Variants in AMMECR1L observed in about 807,000 individuals in gnomAD.
The protein encoded by AMMECR1L is AMMECR1-like protein.
Under a neutral mutation model 36.8 loss-of-function variants are expected in AMMECR1L, and 4 were observed. That is an observed-to-expected ratio of 0.11 (90% CI 0.05 to 0.25). The LOEUF is 0.25. Ranked by LOEUF, AMMECR1L falls within the 10% of genes least tolerant of loss-of-function variation. The probability of loss-of-function intolerance (pLI) is 1.00; values close to 1 mark genes in which losing one functional copy is unlikely to be tolerated. For missense variants in AMMECR1L, 232 were observed against 392.1 expected, an observed-to-expected ratio of 0.59 and a Z score of 3.45; for synonymous variants, 147 against 148.0, an observed-to-expected ratio of 0.99 and a Z score of 0.05.
At chr2:127,882,853 G>C (rs1691572445) in intron 2 of AMMECR1L, among the ~76,000 whole-genome samples, 1 of 151,034 alleles carries the variant, frequency 6.6e-6, no homozygotes, top group African/African-American at 2.4e-5. Flanking sequence ...CTCCTGCCTT[G>C]GCTTCCCAGT....
intron 2 of AMMECR1L, among the ~76,000 whole-genome samples, chr2:127,880,989 G>C (rs1691476246): frequency 6.6e-6 from 1 of 152,092 alleles, no homozygotes; most frequent in Non-Finnish European, 1.5e-5. Flanking sequence ...AGCCACTGTG[G>C]ATAATTCATT....
In AMMECR1L at chr2:127,873,339, G is replaced by GT; in HGVS notation, c.407+488dup. The GT allele has an allele frequency of 2.0e-6, 2 of 985,492 alleles. No homozygotes were observed. Among genetic ancestry groups the GT allele is most frequent in the Non-Finnish European group, 2.4e-6 (2 of 829,940 alleles). 61.0% of individuals were successfully genotyped at this position (985,492 alleles called of 1,614,324 possible). On this transcript the variant is annotated intron_variant, in intron 3 of 7. Coordinates refer to ENST00000272647, the MANE Select transcript of AMMECR1L (RefSeq NM_001199140.2). The surrounding 1 kb of genome is among the most constrained non-coding windows in gnomAD (Gnocchi z 5.2). Reference sequence around the variant, plus strand: ...GCAGATTCTGACTTCTTGATGGGATGTGAGTGGCCCTACAGGTTTACCAAG... The same window carrying GT: ...GCAGATTCTGACTTCTTGATGGGATGTTGAGTGGCCCTACAGGTTTACCAAG...
chr2:127,880,325 A>G (rs1283022289), intron 2 of AMMECR1L, among the ~76,000 whole-genome samples: 1 of 152,180 alleles, frequency 6.6e-6, no homozygotes, highest in Admixed American at 6.5e-5. Flanking sequence ...AGAATAAGCT[A>G]GTTAAAACTA....
intron 2 of AMMECR1L, among the ~76,000 whole-genome samples, chr2:127,876,856 A>C (rs1691264301): frequency 6.6e-6 from 1 of 151,950 alleles, no homozygotes; most frequent in Admixed American, 6.6e-5. Context: ...CATCTCTACT[A>C]AAAATACAAA....
At chr2:127,879,827 C>A (rs1413599987) in intron 2 of AMMECR1L, among the ~76,000 whole-genome samples, 1 of 152,178 alleles carries the variant, frequency 6.6e-6, no homozygotes, top group Non-Finnish European at 1.5e-5. Context: ...TAAGGTACTT[C>A]AGAATAATAG....
At chr2:127,882,889 A>T (rs1553491527) in intron 2 of AMMECR1L, among the ~76,000 whole-genome samples, 1 of 147,500 alleles carries the variant, frequency 6.8e-6, no homozygotes, top group Non-Finnish European at 1.5e-5. Flanking sequence ...GGCATGAGTG[A>T]CTGTGCCCAG....
chr2:127,871,760 C>T lies in AMMECR1L; in HGVS notation c.408-401G>A, dbSNP rs1690979519. On this transcript the variant is annotated intron_variant, in intron 3 of 7. Transcript: ENST00000272647. This position sits in a 1 kb window ranked among gnomAD's most constrained non-coding sequence, Gnocchi z 4.3. ...CCGTCTTTCATGATGACACGCCTCA[C>T]CTGCACAGCCCCGTTCATCTGCAAA... Among the ~76,000 whole-genome samples, 1 of 152,182 alleles carries T rather than the reference C, an allele frequency of 6.6e-6. No homozygotes were observed. The highest frequency in any genetic ancestry group is 6.5e-5 in the Admixed American group (1 of 15,278).
chr2:127,874,306 C>T lies in AMMECR1L; in HGVS notation c.-38-34G>A, dbSNP rs1051878102. On this transcript the variant is annotated intron_variant, in intron 2 of 7. Coordinates refer to ENST00000272647, the MANE Select transcript of AMMECR1L (RefSeq NM_001199140.2). The surrounding 1 kb of genome is among the most constrained non-coding windows in gnomAD (Gnocchi z 5.2). ...AATGAGAAGTTAAGCATTAATTTGA[C>T]TGGTTAGTTAAAAGGAGAGGAAAAA... The T allele has an allele frequency of 6.4e-7, 1 of 1,564,146 alleles. No homozygotes were observed. The highest frequency in any genetic ancestry group is 2.2e-5 in the East Asian group (1 of 44,542).
At chr2:127,875,634 T>C (rs1450783713) in intron 2 of AMMECR1L, among the ~76,000 whole-genome samples, 2 of 152,214 alleles carry the variant, frequency 1.3e-5, no homozygotes, top group African/African-American at 2.4e-5. Context: ...TTATTTATGT[T>C]CTTCATATAT....
At position 127,874,021 on chromosome 2, in the gene AMMECR1L, C is replaced by T. The variant is rs1229844378; in HGVS notation, c.214G>A (p.Gly72Arg). The change falls in exon 3 of 8, where the codon GGA becomes AGA. Residue 72 changes from glycine to arginine, a missense_variant. Around this residue, in one of 3 missense-constraint regions of AMMECR1L, gnomAD observed 109 missense variants for 128.1 expected, o/e 0.85. Transcript: ENST00000272647. The surrounding 1 kb of genome is among the most constrained non-coding windows in gnomAD (Gnocchi z 5.2). ...ENVSDLTLGP[G>R]NSPITRMNPA... ...TTCATTCGTGTGATGGGAGAGTTTC[C>T]AGGTCCCAGAGTTAAGTCTGACACA... 6 of 1,614,106 alleles carry T rather than the reference C, an allele frequency of 3.7e-6. No individual in the cohort carries two copies. Among genetic ancestry groups the T allele is most frequent in the Non-Finnish European group, 1.7e-6 (2 of 1,180,058 alleles).
intron 3 of AMMECR1L, among the ~76,000 whole-genome samples, chr2:127,872,017 C>T (rs1027901520): frequency 3.9e-5 from 6 of 151,904 alleles, no homozygotes; most frequent in Non-Finnish European, 5.9e-5. Flanking sequence ...GGCGAAACCC[C>T]GCCTCTACTA....
chr2:127,862,793 T>TC lies in AMMECR1L; in HGVS notation c.*2300_*2301insG, dbSNP rs1690522025. The TC allele has an allele frequency of 6.6e-6, 1 of 152,334 alleles. No homozygotes were observed. The highest frequency in any genetic ancestry group is 2.1e-4 in the South Asian group (1 of 4,798). 9.4% of individuals were successfully genotyped at this position (152,334 alleles called of 1,614,324 possible). A position where few individuals can be genotyped will look rare whatever the true frequency, so the allele number is the denominator to read the frequency against. The stretch of plus-strand genomic sequence containing the variant: ...CAGCCCAATTCTTGTGCACTGATTT[T>TC]TTTTTCCCCATTTCTCGGGTTTTAA... On this transcript the variant is annotated 3_prime_UTR_variant, in exon 8 of 8. Transcript: ENST00000272647.
intron 2 of AMMECR1L, among the ~76,000 whole-genome samples, chr2:127,878,054 G>A (rs950357766): frequency 5.3e-5 from 8 of 152,076 alleles, no homozygotes; most frequent in Non-Finnish European, 1.0e-4. Context: ...GTAAGACCCT[G>A]TCTCAAAATA....
At chr2:127,868,697 C>A (rs1204638116) in intron 6 of AMMECR1L, among the ~76,000 whole-genome samples, 1 of 151,938 alleles carries the variant, frequency 6.6e-6, no homozygotes, top group African/African-American at 2.4e-5. Flanking sequence ...CTACCTTTAA[C>A]GTCCCCATCA....
At position 127,863,806 on chromosome 2, in the gene AMMECR1L, A is replaced by G. The variant is rs1440096026; in HGVS notation, c.*1288T>C. On this transcript the variant is annotated 3_prime_UTR_variant, in exon 8 of 8. Transcript: ENST00000272647. ...GTTCTATGAACTTTGCCACCAAATG[A>G]GTGAAGAATAGGCAAGGAGAGAGGA... is the stretch of plus-strand genomic sequence containing the variant. The G allele has an allele frequency of 6.6e-6, 1 of 152,660 alleles. No individual in the cohort carries two copies. Among genetic ancestry groups the G allele is most frequent in the African/African-American group, 2.4e-5 (1 of 41,456 alleles). The allele number at this position is 152,660 out of a possible 1,614,324, so 9.5% of individuals were successfully genotyped here.
Position 127,871,413 on chromosome 2 carries a change from G to T in AMMECR1L, c.408-54C>A. On this transcript the variant is annotated intron_variant, in intron 3 of 7. Coordinates refer to ENST00000272647, the MANE Select transcript of AMMECR1L (RefSeq NM_001199140.2). The surrounding 1 kb of genome is among the most constrained non-coding windows in gnomAD (Gnocchi z 4.3). Reference sequence around the variant, plus strand: ...CCAGCCCCAAATTAATCATGGATAAGAACAAAACCTTTTGGCTTTGTCCCT... The same window carrying T: ...CCAGCCCCAAATTAATCATGGATAATAACAAAACCTTTTGGCTTTGTCCCT... 6.4e-7 allele frequency: 1 copy of T among 1,553,046 alleles called. No homozygotes were observed. Among genetic ancestry groups the T allele is most frequent in the South Asian group, 1.1e-5 (1 of 87,910 alleles).
intron 7 of AMMECR1L, among the ~76,000 whole-genome samples, chr2:127,866,534 C>T (rs1690690512): frequency 6.6e-6 from 1 of 152,222 alleles, no homozygotes; most frequent in Non-Finnish European, 1.5e-5. Context: ...GTATCTCCTG[C>T]CGTCTGACTA....
At chr2:127,870,496 A>G (rs1229163535) in intron 5 of AMMECR1L, among the ~76,000 whole-genome samples, 1 of 151,986 alleles carries the variant, frequency 6.6e-6, no homozygotes, top group Non-Finnish European at 1.5e-5. Flanking sequence ...ACAAGCAAAC[A>G]AAAACTTTTA....
chr2:127,870,998 C>A (rs1366270552), intron 4 of AMMECR1L, 70 bp from the exon 5 acceptor site: 1 of 1,204,782 alleles, frequency 8.3e-7, no homozygotes, highest in Non-Finnish European at 1.2e-6. Context: ...GCCATAGAGC[C>A]CACATATTTA....
Sources: gnomAD v4.1 joint callset for allele counts (sites outside exome capture counted in the v4.1 genomes callset) on GRCh38, gnomAD v4.1.1 for gene constraint, gnomAD v4.1.1 regional missense constraint, Gnocchi (gnomAD v3.1) non-coding constraint, MANE v1.5 for transcripts, NCBI Gene and HGNC (gene_info 2026-07-23, HGNC 2026-07-21) for gene names.